The following PLXDC2 variants were observed in gnomAD, a reference collection of about 807,000 sequenced individuals.
The protein encoded by PLXDC2 is plexin domain-containing protein 2.
A neutral mutation model predicts 68.9 loss-of-function variants in PLXDC2; 40 were observed. The ratio of observed to expected loss-of-function variants is 0.58; its 90% CI spans 0.45 to 0.76. PLXDC2 has a LOEUF of 0.76. Among genes scored for constraint, PLXDC2 ranks in the 30% least tolerant of loss-of-function variants. The pLI is 0.00. For missense variants in PLXDC2, 644 were observed against 661.9 expected (o/e 0.97, Z 0.30); for synonymous variants, 243 against 234.2 (o/e 1.04, Z -0.34).
At chr10:19,833,589 G>C (rs1227087435) in intron 1 of PLXDC2, among the ~76,000 whole-genome samples, 2 of 152,312 alleles carry the variant, frequency 1.3e-5, no homozygotes, top group Middle Eastern at 3.4e-3. Flanking sequence ...TCTTGGCATG[G>C]GCTGAGGACA....
At chr10:20,093,394 A>G (rs1245209817) in intron 4 of PLXDC2, among the ~76,000 whole-genome samples, 6 of 152,104 alleles carry the variant, frequency 3.9e-5, no homozygotes, top group Admixed American at 1.3e-4. Flanking sequence ...TTTTGACTAT[A>G]TAGCTCTTGT....
chr10:19,893,162 T>A (rs1436681236), intron 1 of PLXDC2, among the ~76,000 whole-genome samples: 1 of 152,112 alleles, frequency 6.6e-6, no homozygotes, highest in Non-Finnish European at 1.5e-5. Flanking sequence ...GGGGATTGCT[T>A]TCATTCAGAT....
In PLXDC2 at chr10:20,217,497, G is replaced by A. The variant is rs74368421; in HGVS notation, c.1194G>A (p.Ala398=). 2.9e-3 allele frequency: 4,696 copies of A among 1,611,186 alleles called. 143 individuals carry two copies. In the East Asian group the frequency reaches 0.059, roughly 20 times the overall value. The change falls in exon 11 of 14, where the codon GCG becomes GCA. Residue 398 remains alanine, a synonymous_variant. Transcript: ENST00000377252. ...TSSRTTTTVG[A]TTTQFRVLTT... is the part of the protein sequence containing the mutation. ...CTCGAACCACCACAACCGTAGGAGCGACAACCACCCAGTTCAGGGTCCTAA... is the reference window on the plus strand; with the variant it reads ...CTCGAACCACCACAACCGTAGGAGCAACAACCACCCAGTTCAGGGTCCTAA...
chr10:20,101,570 T>C (rs1176982667), intron 4 of PLXDC2, among the ~76,000 whole-genome samples: 2 of 152,216 alleles, frequency 1.3e-5, no homozygotes, highest in Non-Finnish European at 2.9e-5. Flanking sequence ...ATACTTATCA[T>C]TGAAAAATCC....
chr10:19,937,691 G>A (rs989532427), intron 1 of PLXDC2, among the ~76,000 whole-genome samples: 1 of 151,570 alleles, frequency 6.6e-6, no homozygotes, highest in Non-Finnish European at 1.5e-5. Context: ...GAAAAACAAG[G>A]AAACACAAGG....
intron 13 of PLXDC2, among the ~76,000 whole-genome samples, chr10:20,261,057 T>C (rs1342301648): frequency 4.6e-5 from 7 of 152,196 alleles, no homozygotes; most frequent in Non-Finnish European, 1.0e-4. Flanking sequence ...TTTTTTTATA[T>C]TGAGTTGTGT....
intron 1 of PLXDC2, among the ~76,000 whole-genome samples, chr10:19,856,369 CACACACACAG>C (rs1331046045): frequency 1.5e-5 from 2 of 136,822 alleles, no homozygotes; most frequent in African/African-American, 2.9e-5. Flanking sequence ...CACACAAACA[CACACACACAG>C]ACACACACAC....
intron 1 of PLXDC2, among the ~76,000 whole-genome samples, chr10:19,947,686 C>T: frequency 6.8e-6 from 1 of 147,862 alleles, no homozygotes; most frequent in Non-Finnish European, 1.5e-5. Context: ...TTCTCTCTCT[C>T]CTTTTTTCTT....
intron 12 of PLXDC2, among the ~76,000 whole-genome samples, chr10:20,232,718 G>A (rs760593397): frequency 8.5e-5 from 13 of 152,172 alleles, no homozygotes; most frequent in Non-Finnish European, 1.9e-4. Context: ...TTGCCTATGC[G>A]GTGTTGGTCG....
intron 4 of PLXDC2, among the ~76,000 whole-genome samples, chr10:20,103,511 A>G (rs1161887832): frequency 6.6e-6 from 1 of 152,258 alleles, no homozygotes; most frequent in East Asian, 1.9e-4. Flanking sequence ...CAAACCATTA[A>G]AAGAATGTTG....
intron 4 of PLXDC2, among the ~76,000 whole-genome samples, chr10:20,135,288 G>A (rs932790066): frequency 1.3e-5 from 2 of 152,166 alleles, no homozygotes; most frequent in Non-Finnish European, 2.9e-5. Context: ...CAGGTACTTT[G>A]TGTACTATAA....
At position 20,145,643 on chromosome 10, in the gene PLXDC2, G is replaced by A. The variant is rs148379156; in HGVS notation, c.665-2141G>A. Among the ~76,000 whole-genome samples, 1,114 of 152,106 alleles carry A rather than the reference G, an allele frequency of 7.3e-3. 8 individuals are homozygous for A. Among genetic ancestry groups the A allele is most frequent in the African/African-American group, 0.026 (1,067 of 41,492 alleles). On this transcript the variant is annotated intron_variant, in intron 5 of 13. Coordinates refer to ENST00000377252, the MANE Select transcript of PLXDC2 (RefSeq NM_032812.9). ...CTGCTCACTACAACCTCCGCTTCCC[G>A]GGTTCATGCCATTCTCCTGCCTCAA...
chr10:19,964,607 G>C (rs1480815889), intron 1 of PLXDC2, among the ~76,000 whole-genome samples: 2 of 152,190 alleles, frequency 1.3e-5, no homozygotes, highest in Non-Finnish European at 2.9e-5. Context: ...GGTTGCTTAT[G>C]CAGTTTCTCT....
chr10:19,827,253 AC>A (rs1836589642), intron 1 of PLXDC2, among the ~76,000 whole-genome samples: 1 of 152,224 alleles, frequency 6.6e-6, no homozygotes, highest in South Asian at 2.1e-4. Context: ...GTACTGATAC[AC>A]AGTCTTAATT....
chr10:19,828,641 G>GAC (rs1836621907), intron 1 of PLXDC2, among the ~76,000 whole-genome samples: 2 of 152,304 alleles, frequency 1.3e-5, no homozygotes, highest in South Asian at 4.1e-4. Context: ...TTCTGCACAT[G>GAC]ACAGTCTCAT....
chr10:19,975,443 G>C (rs551048306), intron 1 of PLXDC2, among the ~76,000 whole-genome samples: 64 of 152,222 alleles, frequency 4.2e-4, no homozygotes, highest in African/African-American at 1.4e-3. Context: ...GGGAGACAGA[G>C]CGAGACTCCA....
At chr10:20,066,450 G>A (rs994733472) in intron 3 of PLXDC2, among the ~76,000 whole-genome samples, 1 of 152,168 alleles carries the variant, frequency 6.6e-6, no homozygotes, top group Non-Finnish European at 1.5e-5. Context: ...TTACTGATAA[G>A]CATGGAAATA....
chr10:20,030,050 C>G (rs1169940002), intron 2 of PLXDC2, among the ~76,000 whole-genome samples: 1 of 152,010 alleles, frequency 6.6e-6, no homozygotes, highest in Non-Finnish European at 1.5e-5. Flanking sequence ...TGAAGGCACT[C>G]TTAGAGATTA....
intron 1 of PLXDC2, among the ~76,000 whole-genome samples, chr10:19,907,852 C>T (rs1417829293): frequency 6.6e-6 from 1 of 152,254 alleles, no homozygotes; most frequent in South Asian, 2.1e-4. Flanking sequence ...TTGCCATGAA[C>T]CTCACGCACA....
Sources: gnomAD v4.1 joint callset for allele counts (sites outside exome capture counted in the v4.1 genomes callset) on GRCh38, gnomAD v4.1.1 for gene constraint, MANE v1.5 for transcripts, NCBI Gene and HGNC (gene_info 2026-07-23, HGNC 2026-07-21) for gene names.